The following GRID2 variants were observed in gnomAD, a reference collection of about 807,000 sequenced individuals.
GRID2 encodes glutamate ionotropic receptor delta type subunit 2.
Under a neutral mutation model 114.8 loss-of-function variants are expected in GRID2, and 33 were observed. The ratio of observed to expected loss-of-function variants is 0.29; its 90% CI spans 0.22 to 0.38. The LOEUF (loss-of-function observed/expected upper bound fraction) is 0.38, where lower values mean the gene tolerates loss of function less well. GRID2 is among the 10% of genes least tolerant of loss of function. The pLI is 1.00. For synonymous variants in GRID2, 505 were observed against 449.9 expected, an observed-to-expected ratio of 1.12 and a Z score of -1.55; for missense variants, 1,184 against 1,257.7, an observed-to-expected ratio of 0.94 and a Z score of 0.89.
At chr4:93,219,391 G>T (rs1041726626) in intron 6 of GRID2, among the ~76,000 whole-genome samples, 2 of 152,068 alleles carry the variant, frequency 1.3e-5, no homozygotes, top group Non-Finnish European at 2.9e-5. Context: ...AATCTTACCT[G>T]AAACAATAAA....
At chr4:92,477,776 T>C (rs1722389468) in intron 1 of GRID2, among the ~76,000 whole-genome samples, 1 of 147,620 alleles carries the variant, frequency 6.8e-6, no homozygotes, top group African/African-American at 2.5e-5. Flanking sequence ...CTTTTATATA[T>C]ATTAATTATA....
intron 4 of GRID2, among the ~76,000 whole-genome samples, chr4:93,186,216 C>T (rs1204407387): frequency 2.0e-5 from 3 of 152,036 alleles, no homozygotes; most frequent in African/African-American, 7.2e-5. Context: ...CATACGCATG[C>T]GTCTTTATAG....
At chr4:93,595,829 G>A (rs535387692) in intron 13 of GRID2, among the ~76,000 whole-genome samples, 103 of 152,164 alleles carry the variant, frequency 6.8e-4, no homozygotes, top group Admixed American at 1.8e-3. Flanking sequence ...AAATGAGATC[G>A]TTATTTGCTC....
chr4:92,545,977 A>G (rs2149167540), intron 1 of GRID2, among the ~76,000 whole-genome samples: 1 of 152,292 alleles, frequency 6.6e-6, no homozygotes, highest in Admixed American at 6.5e-5. Flanking sequence ...GAAAAAATGT[A>G]CTTCTATTTG....
At chr4:92,556,698 T>A (rs1056662598) in intron 1 of GRID2, among the ~76,000 whole-genome samples, 1 of 152,128 alleles carries the variant, frequency 6.6e-6, no homozygotes, top group African/African-American at 2.4e-5. Flanking sequence ...GCTCACTCAC[T>A]TTGTTCAAGT....
chr4:93,684,258 G>C (rs11734948), intron 14 of GRID2, among the ~76,000 whole-genome samples: 20,661 of 152,078 alleles, frequency 0.14, 1,520 homozygotes, highest in East Asian at 0.2. Context: ...TCTTTATCCA[G>C]AATCAGAAAT....
At chr4:93,027,252 C>T (rs911109462) in intron 2 of GRID2, among the ~76,000 whole-genome samples, 7 of 151,936 alleles carry the variant, frequency 4.6e-5, no homozygotes, top group African/African-American at 1.7e-4. Flanking sequence ...TTTTTAGGGT[C>T]AATATGCCTG....
intron 14 of GRID2, among the ~76,000 whole-genome samples, chr4:93,717,694 C>G (rs748354369): frequency 3.3e-5 from 5 of 151,920 alleles, no homozygotes; most frequent in African/African-American, 4.8e-5. Context: ...TTTTTCTTTT[C>G]CTTATTCTAA....
intron 2 of GRID2, among the ~76,000 whole-genome samples, chr4:92,666,202 T>A (rs1732766850): frequency 6.6e-6 from 1 of 151,224 alleles, no homozygotes; most frequent in Admixed American, 6.6e-5. Flanking sequence ...TCAAACAGTA[T>A]AATGCATTTT....
At chr4:93,793,445 C>T (rs1734736078) in intron 1 of GRID2, among the ~76,000 whole-genome samples, 1 of 152,088 alleles carries the variant, frequency 6.6e-6, no homozygotes, top group Non-Finnish European at 1.5e-5. Context: ...GACTTTTGTG[C>T]CTAAATCTGT....
chr4:92,622,568 C>T (rs1336526912), intron 2 of GRID2, among the ~76,000 whole-genome samples: 1 of 151,722 alleles, frequency 6.6e-6, no homozygotes, highest in Non-Finnish European at 1.5e-5. Flanking sequence ...CCAAAATACA[C>T]TTGTTCAAAG....
At chr4:92,518,634 A>G (rs920227603) in intron 1 of GRID2, among the ~76,000 whole-genome samples, 2 of 151,858 alleles carry the variant, frequency 1.3e-5, no homozygotes, top group Admixed American at 1.3e-4. Context: ...TTTCACAACA[A>G]TGGGAATACA....
rs150772608 is a variant in GRID2 at position 93,171,729 on chromosome 4, A to G, written c.736-35675A>G. On this transcript the variant is annotated intron_variant, in intron 4 of 15. Coordinates refer to ENST00000282020, the MANE Select transcript of GRID2 (RefSeq NM_001510.4). The stretch of plus-strand genomic sequence containing the variant: ...AAAATAATTACTCTCATATAGGCAT[A>G]TATTGTTATTTATTTCCAAAATAAA... 4.2e-3 allele frequency among the ~76,000 whole-genome samples: 637 copies of G among 152,288 alleles called. 8 individuals carry two copies. The highest frequency in any genetic ancestry group is 0.015 in the African/African-American group (614 of 41,534).
intron 13 of GRID2, among the ~76,000 whole-genome samples, chr4:93,603,013 C>A (rs1227994245): frequency 6.6e-6 from 1 of 152,134 alleles, no homozygotes; most frequent in Non-Finnish European, 1.5e-5. Flanking sequence ...AGTTCGAGAC[C>A]AGCCTGGCCA....
intron 8 of GRID2, among the ~76,000 whole-genome samples, chr4:93,325,018 T>A (rs1034701505): frequency 2.6e-5 from 4 of 152,178 alleles, no homozygotes; most frequent in Non-Finnish European, 5.9e-5. Flanking sequence ...TTGAAGGGTT[T>A]TTTGTGTCTC....
At chr4:93,068,061 G>C (rs1298406393) in intron 2 of GRID2, among the ~76,000 whole-genome samples, 1 of 151,974 alleles carries the variant, frequency 6.6e-6, no homozygotes, top group African/African-American at 2.4e-5. Flanking sequence ...ATCCTTAATA[G>C]TTGATTGAAT....
chr4:92,792,483 A>ACG (rs1002680656), intron 2 of GRID2, among the ~76,000 whole-genome samples: 6 of 151,362 alleles, frequency 4.0e-5, no homozygotes, highest in African/African-American at 1.5e-4. Flanking sequence ...ACACACACAC[A>ACG]CACACACACA....
At chr4:93,239,045 A>G (rs1325215954) in intron 8 of GRID2, among the ~76,000 whole-genome samples, 2 of 150,724 alleles carry the variant, frequency 1.3e-5, no homozygotes, top group African/African-American at 4.8e-5. Context: ...TACTGGGACA[A>G]TAACTTTCTC....
intron 2 of GRID2, among the ~76,000 whole-genome samples, chr4:92,706,292 A>C (rs1277953906): frequency 6.6e-6 from 1 of 152,228 alleles, no homozygotes; most frequent in Non-Finnish European, 1.5e-5. Flanking sequence ...TTCTAAAAAA[A>C]GATTGTCAAC....
Sources: gnomAD v4.1 joint callset for allele counts (sites outside exome capture counted in the v4.1 genomes callset) on GRCh38, gnomAD v4.1.1 for gene constraint, MANE v1.5 for transcripts, NCBI Gene and HGNC (gene_info 2026-07-23, HGNC 2026-07-21) for gene names.